Variants in CHST9 observed in about 807,000 individuals in gnomAD.
CHST9 encodes GalNAc-4-sulfotransferase 2.
CHST9 carries 41 observed loss-of-function variants against 44.4 expected under a neutral mutation model. That is an observed-to-expected ratio of 0.92 (90% CI 0.72 to 1.20). The LOEUF is 1.20. CHST9 is among the 50% of genes most tolerant of loss of function. The probability of loss-of-function intolerance (pLI) is 0.00; values close to 1 mark genes in which losing one functional copy is unlikely to be tolerated. For synonymous variants in CHST9, 171 were observed against 178.4 expected, an observed-to-expected ratio of 0.96 and a Z score of 0.33; for missense variants, 504 against 516.5, an observed-to-expected ratio of 0.98 and a Z score of 0.23.
intron 4 of CHST9, among the ~76,000 whole-genome samples, chr18:26,988,341 A>C (rs555884709): frequency 1.7e-4 from 26 of 152,340 alleles, no homozygotes; most frequent in African/African-American, 6.0e-4. Context: ...GACAGAAATA[A>C]AAGTTTGAAA....
At chr18:26,953,836 C>T (rs559547) in intron 4 of CHST9, among the ~76,000 whole-genome samples, 53,183 of 152,022 alleles carry the variant, frequency 0.35, 9,911 homozygotes, top group East Asian at 0.49. Flanking sequence ...CTCCCCTTTT[C>T]CATGACATTG....
At chr18:27,097,585 G>T (rs1002261378) in intron 2 of CHST9, among the ~76,000 whole-genome samples, 2 of 151,770 alleles carry the variant, frequency 1.3e-5, no homozygotes, top group Admixed American at 1.3e-4. Flanking sequence ...TCTTTAGTTT[G>T]ATTAGATCAC....
chr18:26,980,487 G>T (rs1338748679), intron 4 of CHST9, among the ~76,000 whole-genome samples: 1 of 152,144 alleles, frequency 6.6e-6, no homozygotes, highest in Admixed American at 6.6e-5. Context: ...AACTTTGACA[G>T]AATTAATGTT....
intron 1 of CHST9, among the ~76,000 whole-genome samples, chr18:27,180,962 G>A (rs192811214): frequency 4.3e-4 from 66 of 151,744 alleles, no homozygotes; most frequent in Admixed American, 8.5e-4. Flanking sequence ...TACAAAAAAT[G>A]AAAATGTTTC....
At chr18:27,100,997 C>T (rs965296140) in intron 2 of CHST9, among the ~76,000 whole-genome samples, 2 of 152,116 alleles carry the variant, frequency 1.3e-5, no homozygotes, top group Non-Finnish European at 2.9e-5. Flanking sequence ...AAGTACACTG[C>T]TTGCTTTAAT....
At chr18:26,995,255 C>G (rs1426739923) in intron 4 of CHST9, among the ~76,000 whole-genome samples, 1 of 120,722 alleles carries the variant, frequency 8.3e-6, no homozygotes, top group African/African-American at 3.8e-5. Context: ...AACCCCATCT[C>G]TACTAAAAAA....
intron 2 of CHST9, among the ~76,000 whole-genome samples, chr18:27,118,166 A>T (rs1291607648): frequency 1.3e-5 from 2 of 152,180 alleles, no homozygotes; most frequent in Admixed American, 1.3e-4. Flanking sequence ...TCATATGCTT[A>T]CTTGCCATCT....
intron 4 of CHST9, among the ~76,000 whole-genome samples, chr18:26,956,374 A>G (rs2056325224): frequency 1.4e-5 from 2 of 147,126 alleles, no homozygotes; most frequent in African/African-American, 4.9e-5. Context: ...ATATACAAAT[A>G]TACATATATC....
At chr18:27,007,847 T>C (rs1598634373) in intron 4 of CHST9, among the ~76,000 whole-genome samples, 1 of 151,562 alleles carries the variant, frequency 6.6e-6, no homozygotes, top group Non-Finnish European at 1.5e-5. Flanking sequence ...CAGGAAAGGG[T>C]ATAGATAACT....
At chr18:26,918,771 AG>A (rs1444913015) in intron 5 of CHST9, among the ~76,000 whole-genome samples, 1 of 152,108 alleles carries the variant, frequency 6.6e-6, no homozygotes, top group African/African-American at 2.4e-5. Flanking sequence ...CTGAGGTTGA[AG>A]GGCACTGCTT....
At chr18:26,950,641 T>C (rs1271042088) in intron 4 of CHST9, among the ~76,000 whole-genome samples, 1 of 152,172 alleles carries the variant, frequency 6.6e-6, no homozygotes, top group Non-Finnish European at 1.5e-5. Context: ...AAATATCACA[T>C]GTTCTCATTT....
chr18:27,176,503 G>C (rs1413514633), intron 1 of CHST9, among the ~76,000 whole-genome samples: 1 of 152,006 alleles, frequency 6.6e-6, no homozygotes, highest in African/African-American at 2.4e-5. Flanking sequence ...ATTAAAACCA[G>C]ATTGGACTAT....
intron 5 of CHST9, among the ~76,000 whole-genome samples, chr18:26,922,203 T>C (rs1474717129): frequency 6.6e-6 from 1 of 151,862 alleles, no homozygotes; most frequent in Admixed American, 6.6e-5. Flanking sequence ...CACTTGCTTT[T>C]ATCTGGGCTC....
chr18:27,072,533 G>A (rs1002143512), intron 2 of CHST9, among the ~76,000 whole-genome samples: 2 of 152,066 alleles, frequency 1.3e-5, no homozygotes, highest in Non-Finnish European at 2.9e-5. Context: ...GAAGTTGTAG[G>A]CTTGCGTGTC....
At chr18:27,091,723 T>A (rs1412536589) in intron 2 of CHST9, among the ~76,000 whole-genome samples, 1 of 152,196 alleles carries the variant, frequency 6.6e-6, no homozygotes, top group Admixed American at 6.5e-5. Context: ...TTTGTCATTG[T>A]TCCTGTTTAT....
At chr18:26,939,771 C>T (rs2056054986) in intron 5 of CHST9, among the ~76,000 whole-genome samples, 1 of 152,148 alleles carries the variant, frequency 6.6e-6, no homozygotes, top group Non-Finnish European at 1.5e-5. Context: ...AGCCTGGGGA[C>T]TCGTGGGCAG....
chr18:27,065,501 G>A (rs564282697), intron 2 of CHST9, among the ~76,000 whole-genome samples: 3 of 151,514 alleles, frequency 2.0e-5, no homozygotes, highest in East Asian at 1.9e-4. Flanking sequence ...ATTCAAGTGA[G>A]ACTCCTGGTA....
At chr18:27,006,728 AG>A (rs550160964) in intron 4 of CHST9, among the ~76,000 whole-genome samples, 1 of 152,286 alleles carries the variant, frequency 6.6e-6, no homozygotes, top group South Asian at 2.1e-4. Context: ...TGCAATTTTT[AG>A]ATGTTATTTC....
At chr18:26,952,974 C>T (rs2056271950) in intron 4 of CHST9, among the ~76,000 whole-genome samples, 1 of 152,158 alleles carries the variant, frequency 6.6e-6, no homozygotes. Flanking sequence ...CAGAGGTATG[C>T]TGTCATTAAT....
Sources: allele counts gnomAD v4.1 joint callset (sites outside exome capture counted in the v4.1 genomes callset), GRCh38; gene constraint gnomAD v4.1.1; transcripts MANE v1.5; gene names NCBI Gene and HGNC (gene_info 2026-07-23, HGNC 2026-07-21).